Variants in OSBPL3 observed in about 807,000 individuals in gnomAD.
OSBPL3 encodes the protein oxysterol-binding protein-related protein 3.
In OSBPL3, 65 loss-of-function variants were observed where a neutral mutation model predicts 120.1. The observed-to-expected ratio is 0.54, with a 90% CI of 0.44 to 0.67. OSBPL3 has a LOEUF of 0.67. OSBPL3 is among the 30% of genes least tolerant of loss of function. OSBPL3 has a pLI of 0.00. For synonymous variants in OSBPL3, 416 were observed against 402.6 expected (o/e 1.03, Z -0.40); for missense variants, 1,004 against 1,082.1 (o/e 0.93, Z 1.01).
chr7:24,956,141 CG>C (rs1276949616), intron 1 of OSBPL3, among the ~76,000 whole-genome samples: 4 of 152,216 alleles, frequency 2.6e-5, no homozygotes, highest in Admixed American at 2.0e-4. Flanking sequence ...TGGATGTGAA[CG>C]CAGTGCTGAT....
intron 1 of OSBPL3, among the ~76,000 whole-genome samples, chr7:24,902,185 TTAGG>T: frequency 6.6e-6 from 1 of 152,348 alleles, no homozygotes; most frequent in East Asian, 1.9e-4. Flanking sequence ...TTGCTATAAG[TTAGG>T]TAGTGTAGGA....
chr7:24,861,503 A>G, intron 10 of OSBPL3, 110 bp downstream of exon 10: 1 of 662,016 alleles, frequency 1.5e-6, no homozygotes, highest in South Asian at 2.9e-5. Context: ...CTAAATCTTA[A>G]TAGAGCAGAA....
At chr7:24,914,249 C>CCA (rs2128426501) in intron 1 of OSBPL3, among the ~76,000 whole-genome samples, 1 of 151,876 alleles carries the variant, frequency 6.6e-6, no homozygotes, top group East Asian at 2.0e-4. Context: ...AGCACCCAGA[C>CCA]CAGAGCCAGC....
At chr7:24,910,693 CA>C (rs1808691593) in intron 1 of OSBPL3, among the ~76,000 whole-genome samples, 1 of 152,202 alleles carries the variant, frequency 6.6e-6, no homozygotes, top group Admixed American at 6.5e-5. Flanking sequence ...CAGGGTGGGC[CA>C]TCTGGTAGGT....
At chr7:24,841,847 T>C (rs895685896) in intron 13 of OSBPL3, among the ~76,000 whole-genome samples, 11 of 151,648 alleles carry the variant, frequency 7.3e-5, no homozygotes, top group Non-Finnish European at 7.4e-5. Flanking sequence ...CCCTGGTCTC[T>C]ACTAAAAACA....
At position 24,834,716 on chromosome 7, in the gene OSBPL3, G is replaced by C. The variant is rs367606248; in HGVS notation, c.1516C>G (p.Arg506Gly). The change falls in exon 15 of 23, where the codon CGG becomes GGG. Residue 506 changes from arginine to glycine, a missense_variant. Physicochemically the swap from Arg to Gly is moderately radical, Grantham distance 125 (BLOSUM62 -2). Coordinates refer to ENST00000313367, the MANE Select transcript of OSBPL3 (RefSeq NM_015550.4). This position sits in a 1 kb window ranked among gnomAD's most constrained non-coding sequence, Gnocchi z 5.2. ...QTLGPVLDSG[R>G]EAKSRRRTCL... ...GTTCTTCTCCGGGACTTCGCTTCCC[G>C]ACCACTATCAAGGACAGGCCCTGAA... The C allele has an allele frequency of 3.9e-5, 63 of 1,611,436 alleles. 1 individual carries two copies. In the African/African-American group the frequency reaches 5.2e-4, roughly 13 times the overall value.
Position 24,849,092 on chromosome 7 carries a change from T to G in OSBPL3, c.1243A>C (p.Lys415Gln), listed in dbSNP as rs750107878. The G allele has an allele frequency of 1.4e-5, 22 of 1,613,628 alleles. No homozygotes were observed. The highest frequency in any genetic ancestry group is 1.8e-5 in the Non-Finnish European group (21 of 1,179,678). ...SLLLDSPAVA[K>Q]SGDNLAEENS... ...ACCTCTGCCAGATTGTCACCCGACT[T>G]GGCGACAGCGGGGGAGTCGAGGAGC... The change falls in exon 12 of 23, where the codon AAG becomes CAG. Residue 415 changes from lysine (K) to glutamine (Q), a missense_variant. Around this residue, in one of 4 missense-constraint regions of OSBPL3, gnomAD observed 272 missense variants for 248.8 expected, o/e 1.09. Coordinates refer to ENST00000313367, the MANE Select transcript of OSBPL3 (RefSeq NM_015550.4). This position sits in a 1 kb window ranked among gnomAD's most constrained non-coding sequence, Gnocchi z 5.4.
chr7:24,877,514 C>T lies in OSBPL3; in HGVS notation c.97-5445G>A, dbSNP rs111961426. ...CACCTTGCACTGTCAGCCTCCCTAG[C>T]TAGAACATGGGTTCCGTGAGGACAG... On this transcript the variant is annotated intron_variant, in intron 2 of 22. Coordinates refer to ENST00000313367, the MANE Select transcript of OSBPL3 (RefSeq NM_015550.4). The surrounding 1 kb of genome is among the most constrained non-coding windows in gnomAD (Gnocchi z 4.8). Among the ~76,000 whole-genome samples the T allele has an allele frequency of 1.3e-5, 2 of 152,286 alleles. No individual in the cohort carries two copies. The highest frequency in any genetic ancestry group is 4.8e-5 in the African/African-American group (2 of 41,560).
At position 24,863,829 on chromosome 7, in the gene OSBPL3, G is replaced by C. The variant is rs1215337752; in HGVS notation, c.674-230C>G. ...TCAGTTTGAATCCACTTAATGAACT[G>C]TAACTATTGAGAAAATTGCAAAACT... On this transcript the variant is annotated intron_variant, in intron 7 of 22. Coordinates refer to ENST00000313367, the MANE Select transcript of OSBPL3 (RefSeq NM_015550.4). This position sits in a 1 kb window ranked among gnomAD's most constrained non-coding sequence, Gnocchi z 5.8. Among the ~76,000 whole-genome samples, 1 of 152,126 alleles carries C rather than the reference G, an allele frequency of 6.6e-6. No homozygotes were observed. The highest frequency in any genetic ancestry group is 1.5e-5 in the Non-Finnish European group (1 of 68,028).
At chr7:24,970,578 T>C (rs1816901680) in intron 1 of OSBPL3, among the ~76,000 whole-genome samples, 1 of 152,076 alleles carries the variant, frequency 6.6e-6, no homozygotes, top group Admixed American at 6.6e-5. Context: ...TAGATACAGA[T>C]AGATAGATAT....
In OSBPL3 at chr7:24,841,583, T is replaced by A. The variant is rs115378927; in HGVS notation, c.1401+696A>T. Among the ~76,000 whole-genome samples the A allele has an allele frequency of 9.3e-3, 1,385 of 149,540 alleles. 18 individuals are homozygous for A. The highest frequency in any genetic ancestry group is 0.032 in the African/African-American group (1,291 of 40,602). On this transcript the variant is annotated intron_variant, in intron 13 of 22. Transcript: ENST00000313367. Reference sequence around the variant, plus strand: ...TGGGGCGCACGCCTGTATTCCCAGATACTTGGGAGGCTGAAGTACGAGAAT... The same window carrying A: ...TGGGGCGCACGCCTGTATTCCCAGAAACTTGGGAGGCTGAAGTACGAGAAT...
intron 2 of OSBPL3, among the ~76,000 whole-genome samples, chr7:24,882,157 T>A (rs887206867): frequency 6.6e-6 from 1 of 152,188 alleles, no homozygotes; most frequent in Non-Finnish European, 1.5e-5. Context: ...GCAATTTTCT[T>A]ACATACACAG....
In OSBPL3 at chr7:24,830,373, G is replaced by A. The variant is rs1044548641; in HGVS notation, c.1884+395C>T. On this transcript the variant is annotated intron_variant, in intron 16 of 22. Coordinates refer to ENST00000313367, the MANE Select transcript of OSBPL3 (RefSeq NM_015550.4). This position sits in a 1 kb window ranked among gnomAD's most constrained non-coding sequence, Gnocchi z 4.4. The stretch of plus-strand genomic sequence containing the variant: ...CTCTCAAATCAAAATTGAGAATAAC[G>A]CATTTATCTGGCGCTACCCACTCTG... Among the ~76,000 whole-genome samples the A allele has an allele frequency of 6.6e-6, 1 of 152,098 alleles. No homozygotes were observed. Among genetic ancestry groups the A allele is most frequent in the Non-Finnish European group, 1.5e-5 (1 of 68,020 alleles).
chr7:24,895,735 T>G (rs78884230), intron 1 of OSBPL3, among the ~76,000 whole-genome samples: 5,315 of 152,218 alleles, frequency 0.035, 117 homozygotes, highest in Non-Finnish European at 0.054. Flanking sequence ...CCGGAGACCC[T>G]TCCATGGAAA....
chr7:24,928,407 G>A (rs940034594), intron 1 of OSBPL3, among the ~76,000 whole-genome samples: 6 of 152,010 alleles, frequency 3.9e-5, no homozygotes, highest in Non-Finnish European at 8.8e-5. Flanking sequence ...TAGCCAGGAT[G>A]GTCTCGATCT....
chr7:24,906,068 G>A (rs1053449191), intron 1 of OSBPL3: 1 of 153,226 alleles, frequency 6.5e-6, no homozygotes, highest in African/African-American at 2.4e-5. Context: ...TGATCTCCTG[G>A]TGAAGCAGAA....
In OSBPL3 at chr7:24,866,138, G is replaced by A. The variant is rs746465703; in HGVS notation, c.481C>T (p.His161Tyr). Residue 161 changes from histidine to tyrosine, a missense_variant, in exon 6 of 23, where the codon CAC becomes TAC. By Grantham distance (83) the His-to-Tyr change is moderately conservative (BLOSUM62 2). Transcript: ENST00000313367. The part of the protein sequence containing the change: ...EIAMFPHEVN[H>Y]FFSGSTITDS... ...GTGATGGTGGACCCTGAGAAAAAGT[G>A]GTTAACTTCATGTGGAAACATGGCA... 3 of 1,613,336 alleles carry A rather than the reference G, an allele frequency of 1.9e-6. No individual in the cohort carries two copies. In the Admixed American group the frequency reaches 5.0e-5, roughly 27 times the overall value.
chr7:24,857,162 C>T (rs1799936892), intron 10 of OSBPL3, among the ~76,000 whole-genome samples: 1 of 152,170 alleles, frequency 6.6e-6, no homozygotes, highest in African/African-American at 2.4e-5. Flanking sequence ...TACTACTCAA[C>T]ATAGGGAAAG....
rs770206886 is a variant in OSBPL3, at chr7:24,899,539, G to T, written c.-149-6918C>A. On this transcript the variant is annotated intron_variant, in intron 1 of 22. Coordinates refer to ENST00000313367, the MANE Select transcript of OSBPL3 (RefSeq NM_015550.4). This position sits in a 1 kb window ranked among gnomAD's most constrained non-coding sequence, Gnocchi z 4.0. ...TTTGACCCATGTCAAGATATTTCTG[G>T]AGACCAATGGTCACTGGCTGACTTC... Among the ~76,000 whole-genome samples the T allele has an allele frequency of 1.3e-5, 2 of 151,708 alleles. No homozygotes were observed. The highest frequency in any genetic ancestry group is 2.9e-5 in the Non-Finnish European group (2 of 67,962).
Sources: allele counts gnomAD v4.1 joint callset (sites outside exome capture counted in the v4.1 genomes callset), GRCh38; gene constraint gnomAD v4.1.1; regional missense constraint gnomAD v4.1.1; non-coding constraint Gnocchi (gnomAD v3.1); transcripts MANE v1.5; gene names NCBI Gene and HGNC (gene_info 2026-07-23, HGNC 2026-07-21).